Variants in MMP26 observed in about 807,000 individuals in gnomAD.
MMP26 encodes matrix metalloproteinase-26.
Under a neutral mutation model 31.0 loss-of-function variants are expected in MMP26, and 33 were observed. The observed-to-expected ratio is 1.06, with a 90% confidence interval of 0.81 to 1.42. MMP26 has a LOEUF of 1.42. Among genes scored for constraint, MMP26 ranks in the 40% most tolerant of loss-of-function variants. MMP26 has a pLI of 0.00. For missense variants in MMP26, 347 were observed against 316.1 expected, an observed-to-expected ratio of 1.10 and a Z score of -0.74; for synonymous variants, 122 against 114.9, an observed-to-expected ratio of 1.06 and a Z score of -0.40.
At chr11:4,919,384 T>A (rs1187079519) in intron 2 of MMP26, 1 of 152,188 alleles carries the variant, frequency 6.6e-6, no homozygotes, top group Non-Finnish European at 1.5e-5. Flanking sequence ...GATGTTTAAA[T>A]CCATGATTTT....
chr11:4,810,749 C>T (rs993874850), intron 2 of MMP26, among the ~76,000 whole-genome samples: 2 of 152,308 alleles, frequency 1.3e-5, no homozygotes, highest in South Asian at 2.1e-4. Context: ...TTTGTTAGGC[C>T]GGAAGGCCCT....
chr11:4,988,145 G>A lies in MMP26; in HGVS notation c.-67G>A. ...TGAGTCATTGGATGTTGCTGGCACA[G>A]CTATAAAGATCCAGTGGCCCAAGTT... On this transcript the variant is annotated 5_prime_UTR_variant, in exon 3 of 8. Coordinates refer to ENST00000380390, the MANE Select transcript of MMP26 (RefSeq NM_021801.5). 1 of 1,385,618 alleles carries A rather than the reference G, an allele frequency of 7.2e-7. No homozygotes were observed. The highest frequency in any genetic ancestry group is 1.0e-6 in the Non-Finnish European group (1 of 971,950). 85.8% of individuals were successfully genotyped at this position (1,385,618 alleles called of 1,614,324 possible).
chr11:4,960,022 T>A (rs1846498773), intron 2 of MMP26, among the ~76,000 whole-genome samples: 1 of 152,212 alleles, frequency 6.6e-6, no homozygotes, highest in South Asian at 2.1e-4. Context: ...TTCACTGAAT[T>A]TCATTTCAGC....
rs533113304 is a variant in MMP26, at chr11:4,859,467, G to C, written c.-145+92126G>C. 8.0e-4 allele frequency: 281 copies of C among 350,620 alleles called. 4 individuals carry two copies. Among genetic ancestry groups the C allele is most frequent in the South Asian group, 5.7e-3 (262 of 45,686 alleles). 21.7% of individuals were successfully genotyped at this position (350,620 alleles called of 1,614,324 possible). A position where few individuals can be genotyped will look rare whatever the true frequency, so the allele number is the denominator to read the frequency against. ...AGTATATACAGAACAATAATGACCT[G>C]TTATGTATCTTCACCCACAAGCCTT... On this transcript the variant is annotated intron_variant, in intron 2 of 7. Transcript: ENST00000380390.
intron 2 of MMP26, among the ~76,000 whole-genome samples, chr11:4,911,536 C>T (rs1850991642): frequency 6.6e-6 from 1 of 152,182 alleles, no homozygotes; most frequent in Non-Finnish European, 1.5e-5. Context: ...TAGCTTCCAG[C>T]TTACTTCGCT....
Position 4,942,370 on chromosome 11 carries a change from C to T in MMP26, c.-144-45698C>T, listed in dbSNP as rs184241318. 9.3e-4 allele frequency among the ~76,000 whole-genome samples: 141 copies of T among 151,940 alleles called. 2 individuals carry two copies. In the Middle Eastern group the frequency reaches 0.02, roughly 22 times the overall value. On this transcript the variant is annotated intron_variant, in intron 2 of 7. Coordinates refer to ENST00000380390, the MANE Select transcript of MMP26 (RefSeq NM_021801.5). ...TCTTCTATTCTTGTTACTTTCTCTC[C>T]TATCTTATTGGGCCAGCTAGACCTG...
intron 2 of MMP26, among the ~76,000 whole-genome samples, chr11:4,956,912 G>A (rs1846451916): frequency 6.6e-6 from 1 of 152,150 alleles, no homozygotes; most frequent in South Asian, 2.1e-4. Flanking sequence ...TACTTACTGA[G>A]TTCCATTACC....
rs993320035 is a variant in MMP26 at position 4,923,806 on chromosome 11, A to G, written c.-144-64262A>G. On this transcript the variant is annotated intron_variant, in intron 2 of 7. Coordinates refer to ENST00000380390, the MANE Select transcript of MMP26 (RefSeq NM_021801.5). Reference sequence around the variant, plus strand: ...TGATCTCCAGGTGAAGACAATAAGCATGAGCCAGCACATGGGAGTGGCAGT... The same window carrying G: ...TGATCTCCAGGTGAAGACAATAAGCGTGAGCCAGCACATGGGAGTGGCAGT... 2.5e-6 allele frequency: 4 copies of G among 1,613,940 alleles called. No homozygotes were observed. In the African/African-American group the frequency reaches 4.0e-5, roughly 16 times the overall value.
chr11:4,762,878 A>ATT (rs1848584359), intron 1 of MMP26, among the ~76,000 whole-genome samples: 1 of 152,176 alleles, frequency 6.6e-6, no homozygotes, highest in East Asian at 1.9e-4. Flanking sequence ...GCTCAAAGAA[A>ATT]AGACCTAGCA....
intron 2 of MMP26, among the ~76,000 whole-genome samples, chr11:4,932,520 C>G (rs1028412644): frequency 1.3e-5 from 2 of 152,144 alleles, no homozygotes; most frequent in African/African-American, 4.8e-5. Context: ...AGGCGCTTAG[C>G]TAAACTCAGC....
intron 2 of MMP26, chr11:4,955,394 T>C: frequency 8.4e-7 from 1 of 1,196,072 alleles, no homozygotes; most frequent in Middle Eastern, 2.2e-4. Context: ...TGAGAATCCA[T>C]GAATGAAGAA....
chr11:4,992,025 T>C lies in MMP26; in HGVS notation c.657T>C (p.Ser219=). Residue 219 remains serine (S), a synonymous_variant, in exon 7 of 8, where the codon TCT becomes TCC. Transcript: ENST00000380390. The part of the protein sequence containing the change: ...EIGHSLGLQH[S]GNQSSIMYPT... Reference sequence around the variant, plus strand: ...GGCATTCTTTGGGCCTGCAGCACTCTGGGAATCAGAGCTCCATAATGTACC... The same window carrying C: ...GGCATTCTTTGGGCCTGCAGCACTCCGGGAATCAGAGCTCCATAATGTACC... 4 of 1,614,010 alleles carry C rather than the reference T, an allele frequency of 2.5e-6. No homozygotes were observed. The highest frequency in any genetic ancestry group is 1.3e-5 in the African/African-American group (1 of 75,014).
At chr11:4,773,730 T>TC (rs1453355113) in intron 2 of MMP26, among the ~76,000 whole-genome samples, 3 of 151,674 alleles carry the variant, frequency 2.0e-5, no homozygotes, top group Non-Finnish European at 4.4e-5. Flanking sequence ...TATCCACCCA[T>TC]CACCTAGGTA....
chr11:4,795,132 A>T (rs780743019), intron 2 of MMP26: 1 of 152,248 alleles, frequency 6.6e-6, no homozygotes, highest in Non-Finnish European at 1.5e-5. Flanking sequence ...ACTTAGAAGC[A>T]TCAGAAAGAA....
In MMP26 at chr11:4,915,585, G is replaced by A. The variant is rs760244072; in HGVS notation, c.-144-72483G>A. On this transcript the variant is annotated intron_variant, in intron 2 of 7. Coordinates refer to ENST00000380390, the MANE Select transcript of MMP26 (RefSeq NM_021801.5). ...GGGATGGAGATCCAGATGTGCATGC[G>A]CTCCAGCCCAGGGATGCCACTCAGC... 8.2e-5 allele frequency: 133 copies of A among 1,613,880 alleles called. No individual in the cohort carries two copies. In the Admixed American group the frequency reaches 1.8e-3, roughly 22 times the overall value.
chr11:4,933,013 T>C lies in MMP26; in HGVS notation c.-144-55055T>C, dbSNP rs547559032. On this transcript the variant is annotated intron_variant, in intron 2 of 7. Transcript: ENST00000380390. ...AACAAACAATGACATGAATGAGTTA[T>C]GAGAAAACCTTATTTCTCTACGATG... Among the ~76,000 whole-genome samples the C allele has an allele frequency of 1.2e-4, 18 of 152,294 alleles. No individual in the cohort carries two copies. In the South Asian group the frequency reaches 2.9e-3, roughly 25 times the overall value.
At chr11:4,706,105 A>G (rs1847773379) in intron 1 of MMP26, among the ~76,000 whole-genome samples, 1 of 152,176 alleles carries the variant, frequency 6.6e-6, no homozygotes, top group Non-Finnish European at 1.5e-5. Flanking sequence ...AGCTATGTAC[A>G]GTGGAAAGGG....
At chr11:4,955,742 A>T in intron 2 of MMP26, 1 of 1,573,864 alleles carries the variant, frequency 6.4e-7, no homozygotes, top group East Asian at 2.2e-5. Flanking sequence ...TGCTATGAAA[A>T]ATACAGATAC....
rs1277168535 is a variant in MMP26 at position 4,992,305 on chromosome 11, T to A, written c.*63T>A. 6.6e-7 allele frequency: 1 copy of A among 1,525,230 alleles called. No homozygotes were observed. Among genetic ancestry groups the A allele is most frequent in the Non-Finnish European group, 9.0e-7 (1 of 1,115,920 alleles). The allele number at this position is 1,525,230 out of a possible 1,614,324, so 94.5% of individuals were successfully genotyped here. A position where few individuals can be genotyped will look rare whatever the true frequency, so the allele number is the denominator to read the frequency against. ...GGAGTTTATTGGAGGATCAAAGAAC[T>A]GAAAGCACTAGAGCAGCCTTGGGGA... On this transcript the variant is annotated 3_prime_UTR_variant, in exon 8 of 8. Coordinates refer to ENST00000380390, the MANE Select transcript of MMP26 (RefSeq NM_021801.5).
Sources: gnomAD v4.1 joint callset for allele counts (sites outside exome capture counted in the v4.1 genomes callset) on GRCh38, gnomAD v4.1.1 for gene constraint, MANE v1.5 for transcripts, NCBI Gene and HGNC (gene_info 2026-07-23, HGNC 2026-07-21) for gene names.